The following BLMH variants were observed in gnomAD, a reference collection of about 807,000 sequenced individuals.
BLMH encodes the protein bleomycin hydrolase.
In BLMH, 32 loss-of-function variants were observed where a neutral mutation model predicts 61.6. That is an observed-to-expected ratio of 0.52 (90% CI 0.39 to 0.70). The LOEUF is 0.70. Among genes scored for constraint, BLMH ranks in the 30% least tolerant of loss-of-function variants. The probability of loss-of-function intolerance (pLI) is 0.00; values close to 1 mark genes in which losing one functional copy is unlikely to be tolerated. For synonymous variants in BLMH, 183 were observed against 193.8 expected, an observed-to-expected ratio of 0.94 and a Z score of 0.46; for missense variants, 460 against 555.5, an observed-to-expected ratio of 0.83 and a Z score of 1.73.
At position 30,289,374 on chromosome 17, in the gene BLMH, T is replaced by C. The variant is rs1378556794; in HGVS notation, c.320A>G (p.Lys107Arg). 1.9e-6 allele frequency: 3 copies of C among 1,588,782 alleles called. No homozygotes were observed. Among genetic ancestry groups the C allele is most frequent in the East Asian group, 2.2e-5 (1 of 44,614 alleles). Residue 107 changes from lysine (K) to arginine (R), a missense_variant and splice_region_variant, in exon 3 of 12, where the codon AAG (lysine) becomes AGG (arginine). Physicochemically the swap from Lys to Arg is conservative, Grantham distance 26 (BLOSUM62 2). Transcript: ENST00000261714. Reference sequence around the variant, plus strand: ...AATCTTGCCAGATCTGTCCCATACCTTGTCCCAAAAAAACAGGTAAGATTG... The same window carrying C: ...AATCTTGCCAGATCTGTCCCATACCCTGTCCCAAAAAAACAGGTAAGATTG... The part of the protein sequence containing the change: ...FSQSYLFFWD[K>R]VERCYFFLSA...
chr17:30,282,086 C>T (rs1401726580), intron 6 of BLMH, among the ~76,000 whole-genome samples: 1 of 152,120 alleles, frequency 6.6e-6, no homozygotes, highest in African/African-American at 2.4e-5. Context: ...GAAATGAGGT[C>T]TCACTAGGTT....
intron 6 of BLMH, among the ~76,000 whole-genome samples, chr17:30,279,365 C>A (rs889241147): frequency 6.6e-6 from 1 of 152,190 alleles, no homozygotes; most frequent in African/African-American, 2.4e-5. Flanking sequence ...GGAAGCTACA[C>A]TGAGTGCATC....
At chr17:30,285,516 C>T in intron 5 of BLMH, 36 bp from the exon 6 acceptor site, 1 of 1,533,712 alleles carries the variant, frequency 6.5e-7, no homozygotes. Context: ...CCAACAGTTA[C>T]CCGAATTCAA....
At chr17:30,265,987 A>C (rs1270804212) in intron 11 of BLMH, among the ~76,000 whole-genome samples, 1 of 152,162 alleles carries the variant, frequency 6.6e-6, no homozygotes, top group East Asian at 1.9e-4. Flanking sequence ...TGTATTTTAA[A>C]ATTTTTCTAC....
intron 11 of BLMH, among the ~76,000 whole-genome samples, chr17:30,256,581 C>T (rs564749896): frequency 2.0e-5 from 3 of 152,284 alleles, no homozygotes; most frequent in South Asian, 2.1e-4. Context: ...CTACCCACCT[C>T]GGCCTCCCAA....
chr17:30,250,753 G>A (rs7212310), intron 11 of BLMH, among the ~76,000 whole-genome samples: 3,981 of 152,146 alleles, frequency 0.026, 175 homozygotes, highest in African/African-American at 0.09. Flanking sequence ...AAGGAAAAGA[G>A]GTCACTAAAT....
At chr17:30,285,352 A>G (rs1462607585) in intron 6 of BLMH, 36 bp downstream of exon 6, 1 of 1,438,398 alleles carries the variant, frequency 7.0e-7, no homozygotes, top group African/African-American at 1.4e-5. Flanking sequence ...AGAGTTCCTT[A>G]GAGGGGTCAC....
chr17:30,275,039 T>TA lies in BLMH; in HGVS notation c.646-843dup, dbSNP rs539113684. Reference sequence around the variant, plus strand: ...ATCTCCTGAGGGCTGAGTCATGGTTTAAAAAAAAAAAAAAAAAAAGTACAA... The same window carrying TA: ...ATCTCCTGAGGGCTGAGTCATGGTTTAAAAAAAAAAAAAAAAAAAAGTACAA... On this transcript the variant is annotated intron_variant, in intron 6 of 11. Transcript: ENST00000261714. Among the ~76,000 whole-genome samples the TA allele has an allele frequency of 6.0e-3, 747 of 125,430 alleles. 1 individual carries two copies. The highest frequency in any genetic ancestry group is 8.5e-3 in the Middle Eastern group (2 of 236). The allele number at this position is 125,430 out of a possible 152,430, so 82.3% of individuals were successfully genotyped here.
intron 11 of BLMH, among the ~76,000 whole-genome samples, chr17:30,258,640 G>A (rs1033946280): frequency 9.9e-5 from 15 of 152,208 alleles, no homozygotes; most frequent in Admixed American, 2.0e-4. Context: ...TTCACCTCCC[G>A]GCTGACTTCT....
intron 11 of BLMH, among the ~76,000 whole-genome samples, chr17:30,263,216 G>A (rs1908012012): frequency 6.6e-6 from 1 of 152,102 alleles, no homozygotes; most frequent in Admixed American, 6.6e-5. Flanking sequence ...TTATAATTCT[G>A]GCTCTATCAT....
intron 6 of BLMH, among the ~76,000 whole-genome samples, chr17:30,277,902 T>C (rs1341239525): frequency 6.6e-6 from 1 of 152,196 alleles, no homozygotes; most frequent in Non-Finnish European, 1.5e-5. Context: ...AAAAATATAA[T>C]TAAGGCATAA....
At chr17:30,258,591 G>A (rs1045488309) in intron 11 of BLMH, among the ~76,000 whole-genome samples, 6 of 152,130 alleles carry the variant, frequency 3.9e-5, no homozygotes, top group East Asian at 1.9e-4. Flanking sequence ...TCCACAGCCT[G>A]AGAAGTGCCC....
intron 6 of BLMH, among the ~76,000 whole-genome samples, chr17:30,278,622 T>C (rs949346752): frequency 1.3e-5 from 2 of 152,198 alleles, no homozygotes; most frequent in African/African-American, 4.8e-5. Flanking sequence ...ATGCCTAGAA[T>C]AGTGTCAGAT....
At position 30,286,706 on chromosome 17, in the gene BLMH, T is replaced by C; in HGVS notation, c.552+108A>G. On this transcript the variant is annotated intron_variant, in intron 5 of 11. Coordinates refer to ENST00000261714, the MANE Select transcript of BLMH (RefSeq NM_000386.4). Reference sequence around the variant, plus strand: ...TTTTGACAGACATTGACATTGGTAGTTATCTTGTACACAAACTGTATACAG... The same window carrying C: ...TTTTGACAGACATTGACATTGGTAGCTATCTTGTACACAAACTGTATACAG... 5 of 701,036 alleles carry C rather than the reference T, an allele frequency of 7.1e-6. No homozygotes were observed. In the South Asian group the frequency reaches 7.6e-5, roughly 11 times the overall value. The allele number at this position is 701,036 out of a possible 1,614,324, so 43.4% of individuals were successfully genotyped here.
chr17:30,248,997 G>C lies in BLMH; in HGVS notation c.*20C>G. ...GCTACGTCAGGTTCCATGGAAGGAG[G>C]AAAGAGCTGGAGGGCAGTATCACTC... On this transcript the variant is annotated 3_prime_UTR_variant, in exon 12 of 12. Transcript: ENST00000261714. 1.2e-6 allele frequency: 2 copies of C among 1,613,094 alleles called. No homozygotes were observed. Among genetic ancestry groups the C allele is most frequent in the Non-Finnish European group, 1.7e-6 (2 of 1,179,544 alleles).
intron 7 of BLMH, 200 bp from the exon 8 acceptor site, chr17:30,273,099 G>A (rs985793710): frequency 5.1e-5 from 29 of 563,522 alleles, no homozygotes; most frequent in East Asian, 5.9e-5. Flanking sequence ...TCTAATTCGC[G>A]TAAGAGACAC....
At chr17:30,254,390 G>C (rs2143019640) in intron 11 of BLMH, among the ~76,000 whole-genome samples, 1 of 152,254 alleles carries the variant, frequency 6.6e-6, no homozygotes, top group South Asian at 2.1e-4. Context: ...CTCCCAGAAA[G>C]GAAAGCAGAA....
chr17:30,262,458 T>C (rs750288712), intron 11 of BLMH, among the ~76,000 whole-genome samples: 2 of 152,244 alleles, frequency 1.3e-5, no homozygotes, highest in Admixed American at 6.5e-5. Flanking sequence ...CAATCCTGTT[T>C]ACTTTATATA....
intron 11 of BLMH, chr17:30,249,621 GTGTCAA>G (rs1907618384): frequency 6.4e-6 from 1 of 155,586 alleles, no homozygotes; most frequent in Admixed American, 6.4e-5. Context: ...TACCCTACCA[GTGTCAA>G]TGGCTGTTCT....
Sources: gnomAD v4.1 joint callset for allele counts (sites outside exome capture counted in the v4.1 genomes callset) on GRCh38, gnomAD v4.1.1 for gene constraint, MANE v1.5 for transcripts, NCBI Gene and HGNC (gene_info 2026-07-23, HGNC 2026-07-21) for gene names.